Variants in ARID4A observed in about 807,000 individuals in gnomAD.
ARID4A encodes AT-rich interaction domain 4A, also known as AT-rich interactive domain-containing protein 4A.
Under a neutral mutation model 148.6 loss-of-function variants are expected in ARID4A, and 39 were observed. That is an observed-to-expected ratio of 0.26 (90% CI 0.20 to 0.34). ARID4A has a LOEUF of 0.34. Ranked by LOEUF, ARID4A falls within the 10% of genes least tolerant of loss-of-function variation. The pLI is 1.00. For missense variants in ARID4A, 1,265 were observed against 1,449.1 expected (o/e 0.87, Z 2.06); for synonymous variants, 475 against 481.2 (o/e 0.99, Z 0.17).
chr14:58,300,431 G>A (rs938304432), intron 2 of ARID4A, among the ~76,000 whole-genome samples: 3 of 152,184 alleles, frequency 2.0e-5, no homozygotes, highest in Admixed American at 2.0e-4. Context: ...GATGGTTAAA[G>A]GGAAAGGATC....
In ARID4A at chr14:58,367,001, A is replaced by G; in HGVS notation, c.3642A>G (p.Arg1214=). 6.7e-7 allele frequency: 1 copy of G among 1,495,602 alleles called. No individual in the cohort carries two copies. The highest frequency in any genetic ancestry group is 8.9e-7 in the Non-Finnish European group (1 of 1,129,808). 92.6% of individuals were successfully genotyped at this position (1,495,602 alleles called of 1,614,324 possible). A position where few individuals can be genotyped will look rare whatever the true frequency, so the allele number is the denominator to read the frequency against. The change falls in exon 23 of 24, where the codon AGA becomes AGG. Residue 1214 remains arginine (R), a synonymous_variant. Transcript: ENST00000355431. ...KSEVATIDRR[R]KRLKKKDREV... is the part of the protein sequence containing the mutation. ...AAGTTGCAACCATAGACAGGAGGAG[A>G]AAAAGATTAAAAAAGAAAGACAGGG...
At chr14:58,312,961 G>T (rs1398000319) in intron 5 of ARID4A, among the ~76,000 whole-genome samples, 1 of 152,104 alleles carries the variant, frequency 6.6e-6, no homozygotes, top group Non-Finnish European at 1.5e-5. Context: ...GTGATAACAG[G>T]GAAATGGGTC....
chr14:58,336,136 G>T (rs141739937), intron 11 of ARID4A, among the ~76,000 whole-genome samples: 105 of 151,932 alleles, frequency 6.9e-4, no homozygotes, highest in African/African-American at 2.5e-3. Flanking sequence ...AAAGCATATC[G>T]CGTAATACTA....
At chr14:58,325,449 AATTTTTGT>A (rs2033157005) in intron 8 of ARID4A, among the ~76,000 whole-genome samples, 1 of 151,938 alleles carries the variant, frequency 6.6e-6, no homozygotes, top group African/African-American at 2.4e-5. Flanking sequence ...ACACCTGGCT[AATTTTTGT>A]ATTTTTGTGT....
Position 58,364,801 on chromosome 14 carries a change from T to A in ARID4A, c.2712T>A (p.Phe904Leu). ...AAAACTTAAATTTTGAACAGCACTT[T>A]GAAAGAGAAAATGAAGGAATGCCAT... is the stretch of plus-strand genomic sequence containing the variant. The part of the protein sequence containing the change: ...GMKNLNFEQH[F>L]ERENEGMPSL... The change falls in exon 20 of 24, where the codon TTT (phenylalanine) becomes TTA (leucine). Residue 904 changes from phenylalanine to leucine, a missense_variant. Coordinates refer to ENST00000355431, the MANE Select transcript of ARID4A (RefSeq NM_002892.4). The A allele has an allele frequency of 1.2e-6, 2 of 1,614,092 alleles. No homozygotes were observed.
intron 12 of ARID4A, 122 bp from the exon 13 acceptor site, chr14:58,346,289 G>T: frequency 1.8e-6 from 1 of 566,282 alleles, no homozygotes; most frequent in East Asian, 3.1e-5. Flanking sequence ...ATTGTTTAAG[G>T]CTCTTTAAAT....
At chr14:58,323,718 T>G (rs936380050) in intron 8 of ARID4A, 101 bp downstream of exon 8, 13 of 1,099,998 alleles carry the variant, frequency 1.2e-5, no homozygotes, top group Admixed American at 1.1e-4. Flanking sequence ...ATTAAACAAA[T>G]TTGGACTTTA....
At chr14:58,330,972 T>C (rs2033485077) in intron 11 of ARID4A, among the ~76,000 whole-genome samples, 1 of 152,148 alleles carries the variant, frequency 6.6e-6, no homozygotes, top group Admixed American at 6.5e-5. Flanking sequence ...ACAAAGACAA[T>C]GAATTTACTG....
intron 21 of ARID4A, 88 bp downstream of exon 21, chr14:58,365,710 A>G (rs1480182410): frequency 6.2e-6 from 7 of 1,125,904 alleles, no homozygotes; most frequent in Middle Eastern, 2.0e-4. Context: ...GAGCAATACT[A>G]TATTGTTTTA....
At chr14:58,305,118 AAAC>A in intron 4 of ARID4A, 109 bp downstream of exon 4, 1 of 877,812 alleles carries the variant, frequency 1.1e-6, no homozygotes, top group Non-Finnish European at 1.7e-6. Context: ...GTTAATCAGA[AAAC>A]AATACATATG....
In ARID4A at chr14:58,323,524, A is replaced by C; in HGVS notation, c.489A>C (p.Glu163Asp). 1 of 1,614,146 alleles carries C rather than the reference A, an allele frequency of 6.2e-7. No individual in the cohort carries two copies. Among genetic ancestry groups the C allele is most frequent in the Non-Finnish European group, 8.5e-7 (1 of 1,179,978 alleles). The change falls in exon 8 of 24, where the codon GAA becomes GAC. Residue 163 changes from glutamate to aspartate, a missense_variant. Coordinates refer to ENST00000355431, the MANE Select transcript of ARID4A (RefSeq NM_002892.4). ...AGGAAGAAGAAAGCAGTGAAGAGGA[A>C]GATGAAGACAAGCGCCGTCTCAATG... ...DEKEEESSEEEDEDKRRLNDE... is the reference protein window; with the variant it reads ...DEKEEESSEEDDEDKRRLNDE...
intron 11 of ARID4A, among the ~76,000 whole-genome samples, chr14:58,337,885 C>G (rs111582261): frequency 6.6e-6 from 1 of 152,134 alleles, no homozygotes; most frequent in African/African-American, 2.4e-5. Context: ...ACCTTCAGGA[C>G]GAAGTCTGGG....
At chr14:58,351,412 T>A in intron 16 of ARID4A, 89 bp downstream of exon 16, 1 of 1,491,870 alleles carries the variant, frequency 6.7e-7, no homozygotes, top group Non-Finnish European at 9.0e-7. Context: ...TTTGAGGGAA[T>A]GTTTTCTTAT....
intron 13 of ARID4A, 140 bp from the exon 14 acceptor site, chr14:58,346,880 A>G (rs2034390398): frequency 5.1e-6 from 2 of 393,832 alleles, no homozygotes; most frequent in African/African-American, 4.9e-5. Flanking sequence ...GTGAGCCCTG[A>G]TTGCACCACT....
In ARID4A at chr14:58,330,061, G is replaced by A. The variant is rs746251714; in HGVS notation, c.798G>A (p.Met266Ile). ...KTRVVPDNWK[M>I]DISEILESSS... ...GAGTTGTTCCTGATAATTGGAAAATGGATATAAGTGAAATCCTTGAGTCAT... is the reference window on the plus strand; with the variant it reads ...GAGTTGTTCCTGATAATTGGAAAATAGATATAAGTGAAATCCTTGAGTCAT... The change falls in exon 11 of 24, where the codon ATG becomes ATA. Residue 266 changes from methionine (M) to isoleucine (I), a missense_variant. Physicochemically the swap from Met to Ile is conservative, Grantham distance 10. Around this residue, in one of 9 missense-constraint regions of ARID4A, gnomAD observed 249 missense variants for 277.2 expected, o/e 0.90. Transcript: ENST00000355431. 1 of 1,612,950 alleles carries A rather than the reference G, an allele frequency of 6.2e-7. No homozygotes were observed. Among genetic ancestry groups the A allele is most frequent in the South Asian group, 1.1e-5 (1 of 90,802 alleles).
chr14:58,299,792 C>T lies in ARID4A; in HGVS notation c.-57-6C>T. 6.2e-7 allele frequency: 1 copy of T among 1,612,988 alleles called. No individual in the cohort carries two copies. Among genetic ancestry groups the T allele is most frequent in the Non-Finnish European group, 8.5e-7 (1 of 1,178,934 alleles). ...TGTCTGTGCCTGTCTTTCCCCCTCCCCATAGTTCTAGCGACTGCGAAGATA... is the reference window on the plus strand; with the variant it reads ...TGTCTGTGCCTGTCTTTCCCCCTCCTCATAGTTCTAGCGACTGCGAAGATA... On this transcript the variant is annotated splice_region_variant and splice_polypyrimidine_tract_variant and intron_variant, in intron 1 of 23. Coordinates refer to ENST00000355431, the MANE Select transcript of ARID4A (RefSeq NM_002892.4).
intron 11 of ARID4A, among the ~76,000 whole-genome samples, chr14:58,340,107 A>G (rs1480059673): frequency 6.6e-6 from 1 of 152,150 alleles, no homozygotes; most frequent in African/African-American, 2.4e-5. Flanking sequence ...TGTTTACTAG[A>G]ATTTTTGCCA....
intron 8 of ARID4A, among the ~76,000 whole-genome samples, chr14:58,325,643 T>C (rs1451266126): frequency 2.0e-5 from 3 of 152,270 alleles, no homozygotes; most frequent in Admixed American, 6.5e-5. Flanking sequence ...TAATAATAAT[T>C]GTGGCACAAA....
intron 1 of ARID4A, chr14:58,299,322 G>A (rs1222132843): frequency 1.3e-5 from 2 of 153,956 alleles, no homozygotes; most frequent in African/African-American, 4.8e-5. Context: ...GCGAAGGAAG[G>A]AGAGCAATGG....
Sources: gnomAD v4.1 joint callset for allele counts (sites outside exome capture counted in the v4.1 genomes callset) on GRCh38, gnomAD v4.1.1 for gene constraint, gnomAD v4.1.1 regional missense constraint, MANE v1.5 for transcripts, NCBI Gene and HGNC (gene_info 2026-07-23, HGNC 2026-07-21) for gene names.